ANKRD13C: variants seen among roughly 807,000 people sequenced by gnomAD.
ANKRD13C encodes the protein ankyrin repeat domain 13C.
ANKRD13C carries 16 observed loss-of-function variants against 65.5 expected under a neutral mutation model. That is an observed-to-expected ratio of 0.24 (90% confidence interval 0.17 to 0.37). The LOEUF is 0.37. Among genes scored for constraint, ANKRD13C ranks in the 10% least tolerant of loss-of-function variants. ANKRD13C has a pLI of 1.00. For synonymous variants in ANKRD13C, 235 were observed against 238.7 expected (o/e 0.98, Z 0.14); for missense variants, 503 against 655.9 (o/e 0.77, Z 2.55).
At chr1:70,327,201 G>A (rs1479315984) in intron 2 of ANKRD13C, among the ~76,000 whole-genome samples, 1 of 152,114 alleles carries the variant, frequency 6.6e-6, no homozygotes, top group East Asian at 1.9e-4. Context: ...TAACTTAGTG[G>A]CAATTAATGA....
rs1680075158 is a variant in ANKRD13C at position 70,296,172 on chromosome 1, G to T, written c.1011C>A (p.Phe337Leu). 2 of 1,613,996 alleles carry T rather than the reference G, an allele frequency of 1.2e-6. No individual in the cohort carries two copies. ...SATLSTKSIS[F>L]TRAQTGWLFR... Reference sequence around the variant, plus strand: ...AAAGCCATCCTGTCTGGGCACGCGTGAAAGAAATTGATTTTGTTGATAAAG... The same window carrying T: ...AAAGCCATCCTGTCTGGGCACGCGTTAAAGAAATTGATTTTGTTGATAAAG... Residue 337 changes from phenylalanine (F) to leucine (L), a missense_variant, in exon 8 of 13, where the codon TTC (phenylalanine) becomes TTA (leucine). Phe to Leu is a conservative substitution (Grantham distance 22, BLOSUM62 0). Coordinates refer to ENST00000370944, the MANE Select transcript of ANKRD13C (RefSeq NM_030816.5).
intron 9 of ANKRD13C, among the ~76,000 whole-genome samples, chr1:70,278,789 C>T (rs1320272362): frequency 1.2e-4 from 18 of 152,068 alleles, no homozygotes. Flanking sequence ...GCTCCAATAC[C>T]TGGTAGTTGT....
intron 3 of ANKRD13C, among the ~76,000 whole-genome samples, chr1:70,323,815 C>T (rs1353834381): frequency 1.3e-5 from 2 of 151,300 alleles, no homozygotes; most frequent in Non-Finnish European, 2.9e-5. Flanking sequence ...ACCTCCGCCT[C>T]CCAGGCTCAG....
At chr1:70,342,077 T>C (rs753081359) in intron 1 of ANKRD13C, among the ~76,000 whole-genome samples, 12 of 149,674 alleles carry the variant, frequency 8.0e-5, no homozygotes, top group African/African-American at 1.5e-4. Flanking sequence ...TAGTTAAGGA[T>C]GTAATTTAAA....
rs545508439 is a variant in ANKRD13C at position 70,352,861 on chromosome 1, T to C, written c.430+1118A>G. On this transcript the variant is annotated intron_variant, in intron 1 of 12. Transcript: ENST00000370944. ...GGTGATTTTATTACAATTACAACAT[T>C]GTAAATTCTGAAAACAAATGCAGTT... Among the ~76,000 whole-genome samples the C allele has an allele frequency of 1.3e-3, 191 of 152,356 alleles. No homozygotes were observed. In the Middle Eastern group the frequency reaches 0.017, roughly 14 times the overall value.
chr1:70,329,268 C>T (rs1455713242), intron 2 of ANKRD13C, among the ~76,000 whole-genome samples: 1 of 152,160 alleles, frequency 6.6e-6, no homozygotes, highest in African/African-American at 2.4e-5. Flanking sequence ...CAGTGGCTCA[C>T]ACTTGTAATC....
intron 9 of ANKRD13C, among the ~76,000 whole-genome samples, chr1:70,285,558 G>A: frequency 6.6e-6 from 1 of 151,328 alleles, no homozygotes; most frequent in Middle Eastern, 3.5e-3. Context: ...AATGTCTCTT[G>A]AATTTATTTG....
At position 70,292,531 on chromosome 1, in the gene ANKRD13C, A is replaced by G. The variant is rs756875899; in HGVS notation, c.1072T>C (p.Leu358=). ...CCATTCACCAGGTAAAAGTCTGCCAAAAAGTTTCCTACTCTTTCCTAAAAC... is the reference window on the plus strand; with the variant it reads ...CCATTCACCAGGTAAAAGTCTGCCAGAAAGTTTCCTACTCTTTCCTAAAAC... ...EDKTERVGNF[L]ADFYLVNGLV... The change falls in exon 9 of 13, where the codon TTG becomes CTG. Residue 358 remains leucine (L), a synonymous_variant. Coordinates refer to ENST00000370944, the MANE Select transcript of ANKRD13C (RefSeq NM_030816.5). 8 of 1,595,470 alleles carry G rather than the reference A, an allele frequency of 5.0e-6. No individual in the cohort carries two copies. The highest frequency in any genetic ancestry group is 6.8e-6 in the Non-Finnish European group (8 of 1,175,680).
intron 2 of ANKRD13C, among the ~76,000 whole-genome samples, chr1:70,335,122 A>T (rs949466828): frequency 6.6e-6 from 1 of 152,020 alleles, no homozygotes; most frequent in African/African-American, 2.4e-5. Flanking sequence ...AAAAAATTGT[A>T]TCATTTGGGT....
rs549293807 is a variant in ANKRD13C, at chr1:70,296,832, T to G, written c.922-571A>C. Among the ~76,000 whole-genome samples, 6 of 152,338 alleles carry G rather than the reference T, an allele frequency of 3.9e-5. No homozygotes were observed. In the South Asian group the frequency reaches 1.2e-3, roughly 32 times the overall value. ...AAAAGAAGCAAGAAAGGATCTTTTCTGTATTCCTTATAAAATGGAAAGGAA... is the reference window on the plus strand; with the variant it reads ...AAAAGAAGCAAGAAAGGATCTTTTCGGTATTCCTTATAAAATGGAAAGGAA... On this transcript the variant is annotated intron_variant, in intron 7 of 12. Transcript: ENST00000370944.
chr1:70,303,776 T>A (rs530866336), intron 6 of ANKRD13C, among the ~76,000 whole-genome samples: 1 of 152,328 alleles, frequency 6.6e-6, no homozygotes, highest in Non-Finnish European at 1.5e-5. Context: ...AAATAGCAAG[T>A]TTTTATTTAA....
At chr1:70,347,581 T>C (rs1020087037) in intron 1 of ANKRD13C, among the ~76,000 whole-genome samples, 1 of 152,126 alleles carries the variant, frequency 6.6e-6, no homozygotes, top group African/African-American at 2.4e-5. Flanking sequence ...GAGAAGAGGA[T>C]CCTCCCTCCC....
intron 11 of ANKRD13C, among the ~76,000 whole-genome samples, chr1:70,271,172 G>C (rs2101119636): frequency 6.6e-6 from 1 of 152,104 alleles, no homozygotes; most frequent in East Asian, 1.9e-4. Context: ...TTGATTTTAG[G>C]TCCATATTTA....
At chr1:70,313,620 G>T in intron 5 of ANKRD13C, 125 bp downstream of exon 5, 3 of 682,274 alleles carry the variant, frequency 4.4e-6, no homozygotes, top group Non-Finnish European at 7.6e-6. Flanking sequence ...TCAATGTCAT[G>T]AAAAATACTT....
chr1:70,330,414 T>C (rs574534790), intron 2 of ANKRD13C, among the ~76,000 whole-genome samples: 8 of 151,402 alleles, frequency 5.3e-5, no homozygotes, highest in Non-Finnish European at 7.4e-5. Flanking sequence ...AAAACTTAGC[T>C]GGACGTGGTG....
intron 8 of ANKRD13C, chr1:70,293,541 G>A: frequency 2.0e-6 from 2 of 984,938 alleles, no homozygotes; most frequent in Non-Finnish European, 2.4e-6. Context: ...GATGCTTCAA[G>A]AGCTTTGAGC....
At position 70,322,217 on chromosome 1, in the gene ANKRD13C, G is replaced by A. The variant is rs12141960; in HGVS notation, c.577+2636C>T. On this transcript the variant is annotated intron_variant, in intron 3 of 12. Transcript: ENST00000370944. Reference sequence around the variant, plus strand: ...GTAGTCCCAGCTACTCAGGAGAACCGCTTGAACTCGGTCTCAAAAAAAATA... The same window carrying A: ...GTAGTCCCAGCTACTCAGGAGAACCACTTGAACTCGGTCTCAAAAAAAATA... Among the ~76,000 whole-genome samples, 1,350 of 152,052 alleles carry A rather than the reference G, an allele frequency of 8.9e-3. 9 individuals carry two copies. The highest frequency in any genetic ancestry group is 0.014 in the Non-Finnish European group (983 of 67,984).
At position 70,288,033 on chromosome 1, in the gene ANKRD13C, T is replaced by A. The variant is rs746012493; in HGVS notation, c.1215+4355A>T. ...AGACCATGTCTCAGAAACAACAACTTTGAAAACTCAACAGTAATGAAAAAA... is the reference window on the plus strand; with the variant it reads ...AGACCATGTCTCAGAAACAACAACTATGAAAACTCAACAGTAATGAAAAAA... On this transcript the variant is annotated intron_variant, in intron 9 of 12. Transcript: ENST00000370944. Among the ~76,000 whole-genome samples the A allele has an allele frequency of 4.4e-4, 67 of 151,638 alleles. 1 individual carries two copies. The highest frequency in any genetic ancestry group is 3.7e-4 in the Non-Finnish European group (25 of 67,936).
intron 3 of ANKRD13C, among the ~76,000 whole-genome samples, chr1:70,320,915 G>A (rs1681280096): frequency 2.0e-5 from 3 of 151,538 alleles, no homozygotes; most frequent in South Asian, 2.1e-4. Flanking sequence ...TCAGGCTCCC[G>A]CGTAGCTGGG....
Sources: gnomAD v4.1 joint callset for allele counts (sites outside exome capture counted in the v4.1 genomes callset) on GRCh38, gnomAD v4.1.1 for gene constraint, MANE v1.5 for transcripts, NCBI Gene and HGNC (gene_info 2026-07-23, HGNC 2026-07-21) for gene names.